Variants in COX15 observed in about 807,000 individuals in gnomAD.
COX15 encodes the protein heme A synthase COX15.
A neutral mutation model predicts 51.9 loss-of-function variants in COX15; 51 were observed. The observed-to-expected ratio is 0.98, with a 90% CI of 0.78 to 1.24. The LOEUF is 1.24. Among genes scored for constraint, COX15 ranks in the 50% most tolerant of loss-of-function variants. The pLI is 0.00. For missense variants in COX15, 420 were observed against 501.1 expected, an observed-to-expected ratio of 0.84 and a Z score of 1.55; for synonymous variants, 188 against 190.5, an observed-to-expected ratio of 0.99 and a Z score of 0.11.
At chr10:99,714,825 A>C (rs1010513453) in intron 8 of COX15, 107 bp from the exon 9 acceptor site, 22 of 1,578,454 alleles carry the variant, frequency 1.4e-5, no homozygotes, top group Non-Finnish European at 1.9e-5. Flanking sequence ...CTCCTATCAG[A>C]GCACTTAAAA....
rs1318773672 is a variant in COX15 at position 99,712,483 on chromosome 10, A to G, written c.*2104T>C. 1.0e-6 allele frequency: 1 copy of G among 985,468 alleles called. No individual in the cohort carries two copies. The highest frequency in any genetic ancestry group is 1.2e-6 in the Non-Finnish European group (1 of 829,924). The allele number at this position is 985,468 out of a possible 1,614,324, so 61.0% of individuals were successfully genotyped here. On this transcript the variant is annotated 3_prime_UTR_variant, in exon 9 of 9. Transcript: ENST00000016171. ...TTAAACACTGCAAAATTAAACATTT[A>G]TATCTGAATCCAGCATCTCTTTTTG... is the stretch of plus-strand genomic sequence containing the variant.
chr10:99,697,622 T>C, the COX15 span: 1 of 155,814 alleles, frequency 6.4e-6, no homozygotes, highest in African/African-American at 2.4e-5. Context: ...CTCTTCTCAA[T>C]AACAATTTTC....
Position 99,724,125 on chromosome 10 carries a change from T to C in COX15, c.583-2A>G. On this transcript the variant is annotated splice_acceptor_variant, in intron 4 of 8. Coordinates refer to ENST00000016171, the MANE Select transcript of COX15 (RefSeq NM_078470.6). LOFTEE classifies it high-confidence loss of function. ...CACCATATACCATCCCAACAGACCC[T>C]AGAACCCCCAAGAGATGAAGCAAAC... 1 of 1,614,056 alleles carries C rather than the reference T, an allele frequency of 6.2e-7. No individual in the cohort carries two copies. The highest frequency in any genetic ancestry group is 8.5e-7 in the Non-Finnish European group (1 of 1,179,980).
At chr10:99,729,821 AC>A in intron 1 of COX15, 87 bp from the exon 2 acceptor site, 3 of 1,273,196 alleles carry the variant, frequency 2.4e-6, no homozygotes, top group Non-Finnish European at 3.4e-6. Flanking sequence ...AGCGCGAAGT[AC>A]CATAGCATCC....
intron 2 of COX15, 129 bp downstream of exon 2, chr10:99,729,424 C>T: frequency 2.1e-6 from 2 of 960,032 alleles, no homozygotes; most frequent in Non-Finnish European, 3.3e-6. Flanking sequence ...CACACCACTG[C>T]ACTCCAGCCT....
At chr10:99,729,333 G>A (rs545730661) in intron 2 of COX15, among the ~76,000 whole-genome samples, 9 of 151,942 alleles carry the variant, frequency 5.9e-5, no homozygotes, top group Non-Finnish European at 7.4e-5. Flanking sequence ...ATGGTGGCAC[G>A]CGCCTAGTCC....
chr10:99,700,833 G>A, the COX15 span: 1 of 733,096 alleles, frequency 1.4e-6, no homozygotes, highest in Non-Finnish European at 2.4e-6. Context: ...AGTGTTTAGT[G>A]AATGAACACA....
the COX15 span, chr10:99,704,962 G>A: frequency 4.6e-6 from 2 of 439,270 alleles, no homozygotes; most frequent in South Asian, 2.8e-5. Flanking sequence ...CCTTCTGAGA[G>A]GTCTGGTGTG....
the COX15 span, chr10:99,704,952 C>G: frequency 3.1e-5 from 15 of 477,376 alleles, 1 homozygote; most frequent in Non-Finnish European, 4.6e-5. Flanking sequence ...GGCTTCGACT[C>G]CTTCTGAGAG....
At chr10:99,695,950 T>A in the COX15 span, 6 of 1,611,616 alleles carry the variant, frequency 3.7e-6, no homozygotes, top group Non-Finnish European at 5.1e-6. Context: ...TGGTATTGTA[T>A]TATAGGAAGA....
At chr10:99,719,245 A>C (rs774270350) in intron 6 of COX15, among the ~76,000 whole-genome samples, 7 of 151,582 alleles carry the variant, frequency 4.6e-5, no homozygotes, top group Admixed American at 6.6e-5. Flanking sequence ...TTTGAGACGC[A>C]GTCTGGCTCT....
downstream of COX15, chr10:99,710,059 C>CA: frequency 1.0e-6 from 1 of 985,418 alleles, no homozygotes; most frequent in Non-Finnish European, 1.2e-6. Context: ...TGCATGACTT[C>CA]AGGCTAGCAT....
intron 6 of COX15, among the ~76,000 whole-genome samples, chr10:99,720,620 C>T (rs772094588): frequency 1.3e-5 from 2 of 152,148 alleles, no homozygotes; most frequent in Admixed American, 6.6e-5. Flanking sequence ...ATGCCAACAA[C>T]GATGCTACAC....
intron 7 of COX15, chr10:99,716,781 T>G: frequency 3.1e-6 from 1 of 321,552 alleles, no homozygotes; most frequent in Non-Finnish European, 6.1e-6. Flanking sequence ...TGCATCCTTA[T>G]CCCTAACCAT....
Position 99,721,065 on chromosome 10 carries a change from G to A in COX15, c.754C>T (p.Pro252Ser). The A allele has an allele frequency of 1.2e-6, 2 of 1,611,884 alleles. No homozygotes were observed. The highest frequency in any genetic ancestry group is 2.2e-5 in the East Asian group (1 of 44,858). Residue 252 changes from proline (P) to serine (S), a missense_variant, in exon 6 of 9, where the codon CCT becomes TCT. By Grantham distance (74) the Pro-to-Ser change is moderately conservative. Coordinates refer to ENST00000016171, the MANE Select transcript of COX15 (RefSeq NM_078470.6). ...AACTGTAGGAGTTGGTGGGTTTCAG[G>A]CAACTAAATATGAAAAAAAATCATT... Reference protein sequence around the residue: ...LSLLLPPHKLPETHQLLQLRR... With the variant: ...LSLLLPPHKLSETHQLLQLRR...
the COX15 span, among the ~76,000 whole-genome samples, chr10:99,696,884 G>A: frequency 6.6e-6 from 1 of 152,210 alleles, no homozygotes; most frequent in South Asian, 2.1e-4. Context: ...GGGCAGGGAG[G>A]ATGGCCAGCA....
At chr10:99,708,760 G>T, downstream of COX15, 1 of 870,404 alleles carries the variant, frequency 1.1e-6, no homozygotes, top group Non-Finnish European at 1.4e-6. Context: ...GATTTATATG[G>T]GTGATAAAAC....
Position 99,724,026 on chromosome 10 carries a change from A to C in COX15, c.680T>G (p.Leu227Arg). 6.2e-7 allele frequency: 1 copy of C among 1,614,160 alleles called. No homozygotes were observed. Among genetic ancestry groups the C allele is most frequent in the Non-Finnish European group, 8.5e-7 (1 of 1,180,026 alleles). Residue 227 changes from leucine (L) to arginine (R), a missense_variant, in exon 5 of 9, where the codon CTG becomes CGG. Leu to Arg is a moderately radical substitution (Grantham distance 102). Transcript: ENST00000016171. ...RVSQYRLAAHLGSALVLYCAS... is the reference protein window; with the variant it reads ...RVSQYRLAAHRGSALVLYCAS... ...ACAATAAAGAACCAGGGCTGATCCC[A>C]GGTGGGCAGCAAGGCGGTACTGACT...
intron 4 of COX15, among the ~76,000 whole-genome samples, chr10:99,724,424 C>T (rs895771321): frequency 6.6e-6 from 1 of 152,154 alleles, no homozygotes; most frequent in Admixed American, 6.5e-5. Flanking sequence ...TCGTGATCCG[C>T]CCACCTCAGC....
Sources: allele counts gnomAD v4.1 joint callset (sites outside exome capture counted in the v4.1 genomes callset), GRCh38; gene constraint gnomAD v4.1.1; transcripts MANE v1.5; gene names NCBI Gene and HGNC (gene_info 2026-07-23, HGNC 2026-07-21).